Variants in CENPW observed in about 807,000 individuals in gnomAD.
CENPW encodes the protein cancer-up-regulated gene 2 protein.
In CENPW, 3 loss-of-function variants were observed where a neutral mutation model predicts 11.1. The observed-to-expected ratio is 0.27, with a 90% confidence interval of 0.12 to 0.70. The LOEUF (loss-of-function observed/expected upper bound fraction) is 0.70, where lower values mean the gene tolerates loss of function less well. Ranked by LOEUF, CENPW falls within the 30% of genes least tolerant of loss-of-function variation. The pLI, the probability that CENPW is intolerant of heterozygous loss-of-function variation, is 0.77. For synonymous variants in CENPW, 38 were observed against 42.0 expected (o/e 0.91, Z 0.37); for missense variants, 100 against 105.6 (o/e 0.95, Z 0.23).
the CENPW span, among the ~76,000 whole-genome samples, chr6:126,358,030 T>A: frequency 2.9e-3 from 446 of 152,358 alleles, 2 homozygotes; most frequent in African/African-American, 0.01. Context: ...GTTATTGATT[T>A]ATAGAATTGC....
the CENPW span, among the ~76,000 whole-genome samples, chr6:126,445,536 C>T: frequency 6.6e-6 from 1 of 151,164 alleles, no homozygotes; most frequent in South Asian, 2.1e-4. Context: ...GGAGTCTATA[C>T]ATTTAACTAT....
the CENPW span, among the ~76,000 whole-genome samples, chr6:126,444,749 A>G: frequency 4.2e-4 from 63 of 151,078 alleles, 1 homozygote; most frequent in Non-Finnish European, 1.6e-4. Context: ...ATCTACATGA[A>G]TATTATCCTT....
At chr6:126,419,785 A>G in the CENPW span, among the ~76,000 whole-genome samples, 1 of 152,014 alleles carries the variant, frequency 6.6e-6, no homozygotes, top group African/African-American at 2.4e-5. Context: ...CTTTCTTCCA[A>G]CTTATGCCCT....
intron 1 of CENPW, among the ~76,000 whole-genome samples, chr6:126,341,668 C>T (rs1780314010): frequency 6.6e-6 from 1 of 152,130 alleles, no homozygotes; most frequent in Admixed American, 6.5e-5. Flanking sequence ...AGAGGTGGCA[C>T]AAATGAACGG....
At chr6:126,376,804 T>C in the CENPW span, among the ~76,000 whole-genome samples, 2 of 152,320 alleles carry the variant, frequency 1.3e-5, no homozygotes, top group African/African-American at 4.8e-5. Context: ...TGGTGAATAA[T>C]GTGCCATTGA....
At chr6:126,482,038 C>T in the CENPW span, among the ~76,000 whole-genome samples, 1 of 151,802 alleles carries the variant, frequency 6.6e-6, no homozygotes, top group South Asian at 2.1e-4. Flanking sequence ...ATTTATTTTC[C>T]ATACTCATCA....
At chr6:126,456,914 C>A in the CENPW span, among the ~76,000 whole-genome samples, 1 of 151,586 alleles carries the variant, frequency 6.6e-6, no homozygotes, top group East Asian at 1.9e-4. Flanking sequence ...CAAAAGAAGA[C>A]ATACCTGTGG....
the CENPW span, among the ~76,000 whole-genome samples, chr6:126,441,790 C>T: frequency 6.6e-6 from 1 of 151,526 alleles, no homozygotes. Context: ...CATTTCGTTC[C>T]TTTCAGGGCT....
At chr6:126,450,996 G>T in the CENPW span, among the ~76,000 whole-genome samples, 8 of 150,600 alleles carry the variant, frequency 5.3e-5, no homozygotes, top group Admixed American at 5.3e-4. Context: ...TAACCCAGAA[G>T]AAAAAGAAGA....
chr6:126,366,105 G>A, the CENPW span, among the ~76,000 whole-genome samples: 1 of 152,040 alleles, frequency 6.6e-6, no homozygotes, highest in Non-Finnish European at 1.5e-5. Context: ...AATAAAGTTG[G>A]GATTGAGTTT....
the CENPW span, among the ~76,000 whole-genome samples, chr6:126,451,008 A>G: frequency 6.6e-6 from 1 of 150,972 alleles, no homozygotes; most frequent in Non-Finnish European, 1.5e-5. Context: ...AAAAGAAGAA[A>G]ACTATGGAAG....
At chr6:126,467,815 GAAGT>G in the CENPW span, among the ~76,000 whole-genome samples, 2 of 152,040 alleles carry the variant, frequency 1.3e-5, no homozygotes, top group Non-Finnish European at 2.9e-5. Flanking sequence ...TTATAGTGGA[GAAGT>G]CTGACAAACA....
At chr6:126,457,151 A>G in the CENPW span, among the ~76,000 whole-genome samples, 1 of 150,684 alleles carries the variant, frequency 6.6e-6, no homozygotes, top group Non-Finnish European at 1.5e-5. Context: ...CCAAAAACTG[A>G]AAAAAAAATT....
At chr6:126,475,485 C>T in the CENPW span, among the ~76,000 whole-genome samples, 2 of 151,924 alleles carry the variant, frequency 1.3e-5, no homozygotes, top group African/African-American at 4.8e-5. Flanking sequence ...TTTTCATTTT[C>T]TCAAAATATG....
chr6:126,383,354 A>G, the CENPW span, among the ~76,000 whole-genome samples: 119 of 152,302 alleles, frequency 7.8e-4, no homozygotes, highest in African/African-American at 2.6e-3. Context: ...CACTATGAAG[A>G]ACCACACAAA....
At chr6:126,353,484 C>CTGTT (rs1780514700), downstream of CENPW, among the ~76,000 whole-genome samples, 1 of 151,822 alleles carries the variant, frequency 6.6e-6, no homozygotes. Flanking sequence ...TTAAAAAAAT[C>CTGTT]TGTTGCTAAA....
intron 2 of CENPW, among the ~76,000 whole-genome samples, chr6:126,346,651 A>G (rs1220676618): frequency 1.3e-5 from 2 of 152,120 alleles, no homozygotes; most frequent in Admixed American, 1.3e-4. Flanking sequence ...ACCTCATTGT[A>G]TTAGTCCATT....
At chr6:126,426,467 G>A in the CENPW span, among the ~76,000 whole-genome samples, 1 of 152,010 alleles carries the variant, frequency 6.6e-6, no homozygotes, top group Admixed American at 6.6e-5. Context: ...GTATCAGAGG[G>A]TAAAATATGG....
the CENPW span, among the ~76,000 whole-genome samples, chr6:126,465,879 T>A: frequency 6.6e-5 from 10 of 152,094 alleles, no homozygotes; most frequent in African/African-American, 2.4e-4. Flanking sequence ...ATTATCTAGA[T>A]CATGTGGGGA....
Sources: allele counts gnomAD v4.1 joint callset (sites outside exome capture counted in the v4.1 genomes callset), GRCh38; gene constraint gnomAD v4.1.1; transcripts MANE v1.5; gene names NCBI Gene and HGNC (gene_info 2026-07-23, HGNC 2026-07-21).